ATP2B2: variants seen among roughly 807,000 people sequenced by gnomAD.
ATP2B2 encodes ATPase plasma membrane Ca2+ transporting 2.
In ATP2B2, 15 loss-of-function variants were observed where a neutral mutation model predicts 120.0. The observed-to-expected ratio is 0.12, with a 90% confidence interval of 0.08 to 0.19. The LOEUF is 0.19. Among genes scored for constraint, ATP2B2 ranks in the 10% least tolerant of loss-of-function variants. ATP2B2 has a pLI of 1.00. For synonymous variants in ATP2B2, 694 were observed against 700.3 expected, an observed-to-expected ratio of 0.99 and a Z score of 0.14; for missense variants, 1,045 against 1,719.8, an observed-to-expected ratio of 0.61 and a Z score of 6.94.
At position 10,587,576 on chromosome 3, in the gene ATP2B2, C is replaced by T. The variant is rs957010991; in HGVS notation, c.-415+32341G>A. On this transcript the variant is annotated intron_variant, in intron 2 of 21. Transcript: ENST00000646379. ...TGTATTTTTAGTAGAGAGAGGGTCT[C>T]ACCATGTTGGCCAGGCTGATCTCGA... Among the ~76,000 whole-genome samples the T allele has an allele frequency of 2.0e-5, 3 of 152,096 alleles. 1 individual carries two copies. Among genetic ancestry groups the T allele is most frequent in the African/African-American group, 7.2e-5 (3 of 41,424 alleles).
At chr3:10,571,193 C>A in intron 2 of ATP2B2, among the ~76,000 whole-genome samples, 1 of 152,222 alleles carries the variant, frequency 6.6e-6, no homozygotes, top group South Asian at 2.1e-4. Flanking sequence ...ATTCCCCAAA[C>A]CAACTTGGTG....
chr3:10,535,983 C>A (rs2067305613), intron 2 of ATP2B2, among the ~76,000 whole-genome samples: 1 of 151,930 alleles, frequency 6.6e-6, no homozygotes, highest in Non-Finnish European at 1.5e-5. Context: ...ATTTTACATT[C>A]CCACCAGCAA....
At chr3:10,642,201 C>A (rs905974109) in intron 1 of ATP2B2, among the ~76,000 whole-genome samples, 1 of 152,176 alleles carries the variant, frequency 6.6e-6, no homozygotes, top group Admixed American at 6.5e-5. Flanking sequence ...CTTCCCTGAG[C>A]CTCAATTTCC....
At chr3:10,388,478 C>T (rs1437968695) in intron 5 of ATP2B2, 76 bp from the exon 6 acceptor site, 19 of 1,605,482 alleles carry the variant, frequency 1.2e-5, no homozygotes, top group South Asian at 4.4e-5. Context: ...AAAATGTGGT[C>T]TCAGTCAGCT....
rs539987744 is a variant in ATP2B2 at position 10,546,540 on chromosome 3, TG to T, written c.-414-12408del. Reference sequence around the variant, plus strand: ...CCGCTGGGGCCACTCAGCCCCTACATGGGGTGTGAAGGGGCTGCACCTTGGA... The same window carrying T: ...CCGCTGGGGCCACTCAGCCCCTACATGGGTGTGAAGGGGCTGCACCTTGGA... On this transcript the variant is annotated intron_variant, in intron 2 of 21. Coordinates refer to the ATP2B2 transcript ENST00000646379. Among the ~76,000 whole-genome samples the T allele has an allele frequency of 1.1e-4, 17 of 152,318 alleles. 1 individual carries two copies. Among genetic ancestry groups the T allele is most frequent in the Non-Finnish European group, 1.9e-4 (13 of 68,020 alleles).
rs186320505 is a variant in ATP2B2, at chr3:10,446,491, T to C, written c.199+2854A>G. 2.4e-4 allele frequency among the ~76,000 whole-genome samples: 36 copies of C among 152,268 alleles called. 1 individual carries two copies. Among genetic ancestry groups the C allele is most frequent in the Non-Finnish European group, 4.7e-4 (32 of 68,010 alleles). ...CCCTGTGAGGTAGTCACTATTACTA[T>C]CCATGATTTACAGATGAAGAAACGG... On this transcript the variant is annotated intron_variant, in intron 2 of 22. Transcript: ENST00000360273.
At chr3:10,574,650 C>T (rs1052439382) in intron 2 of ATP2B2, among the ~76,000 whole-genome samples, 1 of 152,162 alleles carries the variant, frequency 6.6e-6, no homozygotes, top group Non-Finnish European at 1.5e-5. Context: ...CACAAAGTCA[C>T]TTGTAAAACA....
intron 1 of ATP2B2, among the ~76,000 whole-genome samples, chr3:10,706,462 C>T (rs1433664756): frequency 1.3e-5 from 2 of 152,302 alleles, no homozygotes; most frequent in Non-Finnish European, 1.5e-5. Flanking sequence ...AGTTAGCCCA[C>T]CCAGTGGCTC....
At chr3:10,338,891 G>T in intron 21 of ATP2B2, 1 of 167,316 alleles carries the variant, frequency 6.0e-6, no homozygotes, top group South Asian at 1.5e-4. Flanking sequence ...GAGGTCACTG[G>T]ACCCTGAAGG....
chr3:10,663,769 G>T (rs2070851221), intron 1 of ATP2B2, among the ~76,000 whole-genome samples: 1 of 152,122 alleles, frequency 6.6e-6, no homozygotes. Flanking sequence ...TTCAGGATAT[G>T]GCAAGGACCA....
intron 11 of ATP2B2, 53 bp from the exon 12 acceptor site, chr3:10,372,104 A>G: frequency 6.2e-7 from 1 of 1,613,594 alleles, no homozygotes. Flanking sequence ...GCTGGGGAGC[A>G]TGGGGTGCCT....
chr3:10,373,339 A>G (rs73131207), intron 11 of ATP2B2, among the ~76,000 whole-genome samples: 2,330 of 152,246 alleles, frequency 0.015, 72 homozygotes, highest in African/African-American at 0.052. Flanking sequence ...GTTTAACCTC[A>G]CAGCCTGGAC....
At chr3:10,626,417 C>T (rs1477321039) in intron 1 of ATP2B2, 1 of 152,190 alleles carries the variant, frequency 6.6e-6, no homozygotes, top group East Asian at 1.9e-4. Context: ...TCTGCAGGGG[C>T]TGGAACTGAG....
At chr3:10,379,736 G>C (rs113642449) in intron 8 of ATP2B2, among the ~76,000 whole-genome samples, 4,244 of 152,148 alleles carry the variant, frequency 0.028, 71 homozygotes, top group Middle Eastern at 0.065. Flanking sequence ...TCCCACAAAA[G>C]AAAACATGCA....
chr3:10,498,990 A>G (rs1030668810), intron 1 of ATP2B2, among the ~76,000 whole-genome samples: 1 of 152,184 alleles, frequency 6.6e-6, no homozygotes, highest in Non-Finnish European at 1.5e-5. Flanking sequence ...TCGTGGCACA[A>G]TCTTGTGAGG....
intron 22 of ATP2B2, among the ~76,000 whole-genome samples, chr3:10,331,712 AT>A (rs34633808): frequency 5.6e-4 from 81 of 143,448 alleles, no homozygotes; most frequent in Middle Eastern, 3.6e-3. Context: ...AAAGGTAGGA[AT>A]TTTTTTTTTT....
At chr3:10,487,831 A>G (rs1403365586) in intron 1 of ATP2B2, among the ~76,000 whole-genome samples, 1 of 152,194 alleles carries the variant, frequency 6.6e-6, no homozygotes, top group East Asian at 1.9e-4. Flanking sequence ...GTCCCTGTAC[A>G]ATAACCTGCA....
intron 2 of ATP2B2, among the ~76,000 whole-genome samples, chr3:10,547,758 T>C (rs906634351): frequency 3.9e-5 from 6 of 152,234 alleles, no homozygotes; most frequent in Non-Finnish European, 7.3e-5. Context: ...TCCAAGTCCC[T>C]GTCTAGGGAA....
chr3:10,589,843 A>C (rs555840124), intron 2 of ATP2B2, among the ~76,000 whole-genome samples: 10 of 152,324 alleles, frequency 6.6e-5, no homozygotes, highest in African/African-American at 2.4e-4. Context: ...GGAAAGTAAA[A>C]TCGCAATGCC....
Sources: gnomAD v4.1 joint callset for allele counts (sites outside exome capture counted in the v4.1 genomes callset) on GRCh38, gnomAD v4.1.1 for gene constraint, MANE v1.5 for transcripts, NCBI Gene and HGNC (gene_info 2026-07-23, HGNC 2026-07-21) for gene names.